CEP72: variants seen among roughly 807,000 people sequenced by gnomAD.
CEP72 encodes the protein centrosomal protein 72, also known as centrosomal protein of 72 kDa.
A neutral mutation model predicts 65.7 loss-of-function variants in CEP72; 78 were observed. The ratio of observed to expected loss-of-function variants is 1.19; its 90% CI spans 0.99 to 1.43. The LOEUF (loss-of-function observed/expected upper bound fraction) is 1.43, where lower values mean the gene tolerates loss of function less well. Ranked by LOEUF, CEP72 falls within the 40% of genes most tolerant of loss-of-function variation. The pLI, the probability that CEP72 is intolerant of heterozygous loss-of-function variation, is 0.00. For synonymous variants in CEP72, 358 were observed against 351.7 expected (o/e 1.02, Z -0.20); for missense variants, 914 against 832.9 (o/e 1.10, Z -1.20).
chr5:643,966 C>T (rs1738240472), intron 9 of CEP72, among the ~76,000 whole-genome samples: 1 of 152,226 alleles, frequency 6.6e-6, no homozygotes. Flanking sequence ...AGGGTTCCCC[C>T]AACCGCCACC....
At chr5:672,971 G>A in the CEP72 span, among the ~76,000 whole-genome samples, 3 of 152,200 alleles carry the variant, frequency 2.0e-5, no homozygotes, top group Non-Finnish European at 2.9e-5. Flanking sequence ...CTGGCGCCAC[G>A]CCGGTGGAGC....
At chr5:665,419 T>G (rs1241098768) in intron 3 of CEP72, 1 of 840,066 alleles carries the variant, frequency 1.2e-6, no homozygotes, top group African/African-American at 1.7e-5. Context: ...GCATAAACCC[T>G]GGGATTTATG....
Position 618,985 on chromosome 5 carries a change from C to T in CEP72, c.83-5C>T. 6.2e-7 allele frequency: 1 copy of T among 1,601,100 alleles called. No individual in the cohort carries two copies. The highest frequency in any genetic ancestry group is 1.1e-5 in the South Asian group (1 of 89,998). On this transcript the variant is annotated splice_region_variant and splice_polypyrimidine_tract_variant and intron_variant, in intron 1 of 11. Transcript: ENST00000264935. ...ATTAAAATCTTACAATTTTTCTATT[C>T]TTAGCTGAGCTTCAGTCATTGTCTA...
At chr5:668,253 G>GC (rs1740022951), downstream of CEP72, among the ~76,000 whole-genome samples, 2 of 49,126 alleles carry the variant, frequency 4.1e-5, no homozygotes, top group African/African-American at 3.3e-4. Flanking sequence ...TCAGGGAAGT[G>GC]CGGACAAGCA....
In CEP72 at chr5:633,686, A is replaced by G. The variant is rs569725339; in HGVS notation, c.513-83A>G. 2.9e-5 allele frequency: 39 copies of G among 1,343,940 alleles called. No individual in the cohort carries two copies. In the South Asian group the frequency reaches 4.2e-4, roughly 15 times the overall value. The allele number at this position is 1,343,940 out of a possible 1,614,324, so 83.3% of individuals were successfully genotyped here. ...ACGCTGCTTCTCTCAGAGACCGTGC[A>G]GGAATTTTCCTTCTCCTGGTCTGCG... is the stretch of plus-strand genomic sequence containing the variant. On this transcript the variant is annotated intron_variant, in intron 4 of 11. Coordinates refer to ENST00000264935, the MANE Select transcript of CEP72 (RefSeq NM_018140.4).
chr5:672,742 G>A, the CEP72 span, among the ~76,000 whole-genome samples: 8 of 152,236 alleles, frequency 5.3e-5, no homozygotes, highest in South Asian at 2.1e-4. Context: ...CCCGTGGTCC[G>A]GTCCCGCCTG....
intron 10 of CEP72, among the ~76,000 whole-genome samples, chr5:644,914 CTT>C (rs1738313738): frequency 6.6e-6 from 1 of 152,218 alleles, no homozygotes; most frequent in Non-Finnish European, 1.5e-5. Flanking sequence ...ATTTCCCTCT[CTT>C]CACTTTTTTT....
downstream of CEP72, among the ~76,000 whole-genome samples, chr5:668,848 G>A (rs1303595034): frequency 1.3e-5 from 2 of 152,306 alleles, no homozygotes; most frequent in African/African-American, 2.4e-5. Flanking sequence ...CCCACCCCTC[G>A]AGAACAAGCC....
intron 1 of CEP72, among the ~76,000 whole-genome samples, chr5:616,354 C>T (rs1735988759): frequency 1.3e-5 from 2 of 151,900 alleles, no homozygotes; most frequent in Admixed American, 6.6e-5. Context: ...TTTGCTAAGA[C>T]TAGTTTTTCC....
At chr5:644,260 T>C in intron 9 of CEP72, 39 bp from the exon 10 acceptor site, 1 of 1,604,138 alleles carries the variant, frequency 6.2e-7, no homozygotes, top group South Asian at 1.1e-5. Context: ...TTTTACTGAA[T>C]TTGACTTGTG....
chr5:620,773 G>A (rs905145330), intron 3 of CEP72, among the ~76,000 whole-genome samples: 1 of 152,208 alleles, frequency 6.6e-6, no homozygotes, highest in African/African-American at 2.4e-5. Flanking sequence ...GAAAGAAAAG[G>A]CTTTCCATGA....
At chr5:659,637 G>C (rs1580058094), downstream of CEP72, among the ~76,000 whole-genome samples, 2 of 152,172 alleles carry the variant, frequency 1.3e-5, no homozygotes, top group Non-Finnish European at 1.5e-5. Context: ...TGCTAGAGCA[G>C]GACTCACACC....
rs1264722219 is a variant in CEP72 at position 647,849 on chromosome 5, C to A, written c.1711C>A (p.Leu571Met). The A allele has an allele frequency of 9.9e-6, 16 of 1,612,548 alleles. No homozygotes were observed. Among genetic ancestry groups the A allele is most frequent in the Non-Finnish European group, 1.4e-5 (16 of 1,179,942 alleles). Residue 571 changes from leucine (L) to methionine (M), a missense_variant, in exon 11 of 12, where the codon CTG becomes ATG. Coordinates refer to ENST00000264935, the MANE Select transcript of CEP72 (RefSeq NM_018140.4). Reference sequence around the variant, plus strand: ...GAGGCTGTGTGGCGAGATTGTGGAACTGAAGCAGCACCTGGAGCACTACGA... The same window carrying A: ...GAGGCTGTGTGGCGAGATTGTGGAAATGAAGCAGCACCTGGAGCACTACGA... ...VKRLCGEIVE[L>M]KQHLEHYDKI...
chr5:666,040 CTCTTG>C (rs1018122715), exon 4 of CEP72: 1 of 1,611,756 alleles, frequency 6.2e-7, no homozygotes, highest in Non-Finnish European at 8.5e-7. Flanking sequence ...CTCCTCGCTG[CTCTTG>C]TCTTTGAATC....
chr5:670,469 C>T (rs372064859), downstream of CEP72, among the ~76,000 whole-genome samples: 12 of 152,156 alleles, frequency 7.9e-5, 1 homozygote, highest in South Asian at 8.3e-4. Context: ...AGAGGGGCTG[C>T]GGCTCCCCCA....
chr5:622,754 A>AC (rs147462972), intron 3 of CEP72, among the ~76,000 whole-genome samples: 20,672 of 150,330 alleles, frequency 0.14, 1,789 homozygotes, highest in Non-Finnish European at 0.19. Flanking sequence ...TTAACAATGG[A>AC]CCCCCCCAAG....
rs575264695 is a variant in CEP72, at chr5:643,193, A to C, written c.1540-1106A>C. ...GCCCTCTAGTTTGTGCGACAGAGGGAGACTTTGCCTCAAAGAAACAAATGA... is the reference window on the plus strand; with the variant it reads ...GCCCTCTAGTTTGTGCGACAGAGGGCGACTTTGCCTCAAAGAAACAAATGA... On this transcript the variant is annotated intron_variant, in intron 9 of 11. Transcript: ENST00000264935. The C allele has an allele frequency of 6.1e-6, 6 of 984,348 alleles. No homozygotes were observed. The African/African-American group carries it at 1.0e-4, about 17-fold the overall frequency. 61.0% of individuals were successfully genotyped at this position (984,348 alleles called of 1,614,324 possible).
At chr5:636,442 C>G (rs13164124) in intron 6 of CEP72, among the ~76,000 whole-genome samples, 1 of 152,158 alleles carries the variant, frequency 6.6e-6, no homozygotes, top group Non-Finnish European at 1.5e-5. Flanking sequence ...AAATCAAAGG[C>G]GAGAAAAGTT....
rs1737536499 is a variant in CEP72 at position 635,581 on chromosome 5, C to G, written c.901C>G (p.Pro301Ala). 1.2e-6 allele frequency: 2 copies of G among 1,609,316 alleles called. No individual in the cohort carries two copies. Among genetic ancestry groups the G allele is most frequent in the East Asian group, 2.2e-5 (1 of 44,854 alleles). Reference protein sequence around the residue: ...PRPHTYFTPHPDSMDTEDSAS... With the variant: ...PRPHTYFTPHADSMDTEDSAS... ...GCCACACACGTACTTCACCCCACAC[C>G]CAGGTACTTACGCGTGTCTTAGTCT... The change falls in exon 6 of 12, where the codon CCA (proline) becomes GCA (alanine). Residue 301 changes from proline (P) to alanine (A), a missense_variant. Coordinates refer to ENST00000264935, the MANE Select transcript of CEP72 (RefSeq NM_018140.4).
Sources: allele counts gnomAD v4.1 joint callset (sites outside exome capture counted in the v4.1 genomes callset), GRCh38; gene constraint gnomAD v4.1.1; transcripts MANE v1.5; gene names NCBI Gene and HGNC (gene_info 2026-07-23, HGNC 2026-07-21).